FHIT: variants seen among roughly 807,000 people sequenced by gnomAD.
FHIT encodes the protein fragile histidine triad diadenosine triphosphatase, also known as bis(5'-adenosyl)-triphosphatase.
FHIT carries 19 observed loss-of-function variants against 17.9 expected under a neutral mutation model. That is an observed-to-expected ratio of 1.06 (90% CI 0.74 to 1.56). The LOEUF is 1.56. FHIT is among the 40% of genes most tolerant of loss of function. The pLI is 0.00. For missense variants in FHIT, 248 were observed against 189.2 expected (o/e 1.31, Z -1.82); for synonymous variants, 81 against 69.7 (o/e 1.16, Z -0.81).
chr3:60,940,916 C>G (rs1708382383), intron 3 of FHIT, among the ~76,000 whole-genome samples: 1 of 152,164 alleles, frequency 6.6e-6, no homozygotes, highest in African/African-American at 2.4e-5. Context: ...ATGACAGTCT[C>G]TAAACCAGCA....
intron 5 of FHIT, among the ~76,000 whole-genome samples, chr3:60,403,580 C>T (rs1457649286): frequency 6.6e-6 from 1 of 152,140 alleles, no homozygotes; most frequent in Non-Finnish European, 1.5e-5. Flanking sequence ...CATGAAGAAA[C>T]TATCTGACCT....
intron 5 of FHIT, among the ~76,000 whole-genome samples, chr3:60,525,939 C>T (rs552199130): frequency 6.6e-6 from 1 of 152,060 alleles, no homozygotes; most frequent in African/African-American, 2.4e-5. Flanking sequence ...CTTGTCTCTA[C>T]AAAAAATGCA....
intron 2 of FHIT, among the ~76,000 whole-genome samples, chr3:61,059,072 T>C: frequency 6.6e-6 from 1 of 152,214 alleles, no homozygotes. Flanking sequence ...TGTCTGGCCC[T>C]AGAAAATGAG....
intron 3 of FHIT, among the ~76,000 whole-genome samples, chr3:60,926,313 A>T (rs1367026389): frequency 4.6e-5 from 7 of 152,140 alleles, no homozygotes; most frequent in African/African-American, 1.7e-4. Flanking sequence ...GAAGTAAAGC[A>T]CTCCTCAGCA....
chr3:59,748,955 T>G lies in FHIT; in HGVS notation c.*630A>C, dbSNP rs1700737016. On this transcript the variant is annotated 3_prime_UTR_variant, in exon 10 of 10. Coordinates refer to ENST00000492590, the MANE Select transcript of FHIT (RefSeq NM_002012.4). ...TCTGTGCATGTTGAGAATTGTGCAGTTTTGCAGAGTGAGCACCATGAATGT... is the reference window on the plus strand; with the variant it reads ...TCTGTGCATGTTGAGAATTGTGCAGGTTTGCAGAGTGAGCACCATGAATGT... Among the ~76,000 whole-genome samples the G allele has an allele frequency of 6.6e-6, 1 of 152,080 alleles. No homozygotes were observed. The highest frequency in any genetic ancestry group is 6.6e-5 in the Admixed American group (1 of 15,260).
At chr3:59,921,102 C>T (rs938683176) in intron 8 of FHIT, among the ~76,000 whole-genome samples, 1 of 152,208 alleles carries the variant, frequency 6.6e-6, no homozygotes, top group Non-Finnish European at 1.5e-5. Context: ...ACATCCAGTA[C>T]AGCTCTTGGA....
intron 4 of FHIT, among the ~76,000 whole-genome samples, chr3:60,791,821 T>C (rs9823013): frequency 0.59 from 89,827 of 152,088 alleles, 28,841 homozygotes; most frequent in African/African-American, 0.85. Context: ...TCTTCTTCTC[T>C]CTTTAAAAAA....
chr3:60,536,770 C>T (rs1240308527), intron 5 of FHIT, 90 bp downstream of exon 5: 2 of 1,372,698 alleles, frequency 1.5e-6, no homozygotes, highest in South Asian at 1.6e-5. Context: ...TTTGGACAGA[C>T]TGGAGGCCAA....
chr3:59,909,126 C>T (rs532284507), intron 8 of FHIT, among the ~76,000 whole-genome samples: 1 of 151,848 alleles, frequency 6.6e-6, no homozygotes, highest in East Asian at 1.9e-4. Flanking sequence ...CTCCACCTGC[C>T]GTGTTCAAAC....
At chr3:59,755,515 G>A (rs758881280) in intron 8 of FHIT, among the ~76,000 whole-genome samples, 19 of 152,322 alleles carry the variant, frequency 1.2e-4, no homozygotes, top group Non-Finnish European at 1.8e-4. Context: ...AGTATTTGCC[G>A]TGGGTGAACT....
intron 5 of FHIT, among the ~76,000 whole-genome samples, chr3:60,260,485 A>C (rs2107608698): frequency 6.6e-6 from 1 of 152,256 alleles, no homozygotes; most frequent in Non-Finnish European, 1.5e-5. Flanking sequence ...AAAACTTTTA[A>C]CAAAACAATA....
chr3:60,120,941 T>C (rs1047942605), intron 5 of FHIT, among the ~76,000 whole-genome samples: 2 of 152,192 alleles, frequency 1.3e-5, no homozygotes, highest in East Asian at 1.9e-4. Context: ...TTTAGGTTTA[T>C]ATCATGTGCA....
rs146372697 is a variant in FHIT at position 60,031,317 on chromosome 3, G to A, written c.104-17165C>T. 1.3e-3 allele frequency among the ~76,000 whole-genome samples: 202 copies of A among 152,302 alleles called. 1 individual carries two copies. Among genetic ancestry groups the A allele is most frequent in the African/African-American group, 4.6e-3 (190 of 41,552 alleles). On this transcript the variant is annotated intron_variant, in intron 5 of 9. Transcript: ENST00000492590. The stretch of plus-strand genomic sequence containing the variant: ...GCACATTCACAAAAGAGATCAGTAT[G>A]GCTGAAGAAAATCAAAGAAAAGAGA...
chr3:60,534,469 G>A (rs971240480), intron 5 of FHIT, among the ~76,000 whole-genome samples: 47 of 116,870 alleles, frequency 4.0e-4, no homozygotes, highest in African/African-American at 1.3e-3. Context: ...AAAAAGATGC[G>A]TCTCCCAGTT....
intron 5 of FHIT, among the ~76,000 whole-genome samples, chr3:60,119,434 T>A (rs1309871734): frequency 6.6e-6 from 1 of 152,190 alleles, no homozygotes; most frequent in Admixed American, 6.5e-5. Flanking sequence ...TGAAGATGCA[T>A]CTTGTAATTG....
intron 8 of FHIT, among the ~76,000 whole-genome samples, chr3:59,754,439 ATTC>A (rs1378214102): frequency 5.3e-5 from 8 of 152,220 alleles, no homozygotes; most frequent in Non-Finnish European, 8.8e-5. Flanking sequence ...CGGGATTGCT[ATTC>A]TTCTACTCAA....
At chr3:61,065,717 T>G (rs1034524144) in intron 2 of FHIT, among the ~76,000 whole-genome samples, 25 of 151,836 alleles carry the variant, frequency 1.6e-4, no homozygotes, top group African/African-American at 5.6e-4. Flanking sequence ...AAAGGTTAAG[T>G]TGAATGTGAA....
intron 3 of FHIT, among the ~76,000 whole-genome samples, chr3:61,037,352 C>A (rs984682685): frequency 6.6e-6 from 1 of 152,106 alleles, no homozygotes; most frequent in Admixed American, 6.5e-5. Context: ...ATTTTCTCTC[C>A]GTTTCCTCAA....
intron 5 of FHIT, among the ~76,000 whole-genome samples, chr3:60,260,909 G>A (rs1706259186): frequency 6.6e-6 from 1 of 151,938 alleles, no homozygotes; most frequent in Admixed American, 6.6e-5. Flanking sequence ...TCCCACCAGC[G>A]CCATGACAGT....
Sources: allele counts gnomAD v4.1 joint callset (sites outside exome capture counted in the v4.1 genomes callset), GRCh38; gene constraint gnomAD v4.1.1; transcripts MANE v1.5; gene names NCBI Gene and HGNC (gene_info 2026-07-23, HGNC 2026-07-21).